The following PTPRD variants were observed in gnomAD, a reference collection of about 807,000 sequenced individuals.
PTPRD encodes the protein protein tyrosine phosphatase receptor type D, also known as receptor-type tyrosine-protein phosphatase delta.
In PTPRD, 34 loss-of-function variants were observed where a neutral mutation model predicts 214.5. The ratio of observed to expected loss-of-function variants is 0.16; its 90% CI spans 0.12 to 0.21. PTPRD has a LOEUF of 0.21. Ranked by LOEUF, PTPRD falls within the 10% of genes least tolerant of loss-of-function variation. The probability of loss-of-function intolerance (pLI) is 1.00; values close to 1 mark genes in which losing one functional copy is unlikely to be tolerated. For missense variants in PTPRD, 2,545 were observed against 2,398.7 expected (o/e 1.06, Z -1.27); for synonymous variants, 1,128 against 845.7 (o/e 1.33, Z -5.79).
intron 7 of PTPRD, among the ~76,000 whole-genome samples, chr9:9,705,607 T>A (rs996606616): frequency 6.6e-6 from 1 of 152,110 alleles, no homozygotes; most frequent in Non-Finnish European, 1.5e-5. Context: ...AGTGTATGAG[T>A]AATTCTCAAC....
In PTPRD at chr9:9,504,121, G is replaced by T. The variant is rs151193742; in HGVS notation, c.-237+70611C>A. ...AGTAAATATCATTTTCCTTTACAGAGTCTCTCTCTATTATTTGGGTTGACA... is the reference window on the plus strand; with the variant it reads ...AGTAAATATCATTTTCCTTTACAGATTCTCTCTCTATTATTTGGGTTGACA... On this transcript the variant is annotated intron_variant, in intron 8 of 45. Coordinates refer to ENST00000381196, the MANE Select transcript of PTPRD (RefSeq NM_002839.4). 5.7e-3 allele frequency among the ~76,000 whole-genome samples: 872 copies of T among 151,678 alleles called. 2 individuals are homozygous for T. Among genetic ancestry groups the T allele is most frequent in the Non-Finnish European group, 7.6e-3 (515 of 67,730 alleles).
chr9:9,355,345 C>T (rs2053348794), intron 9 of PTPRD, among the ~76,000 whole-genome samples: 1 of 150,440 alleles, frequency 6.6e-6, no homozygotes, highest in African/African-American at 2.4e-5. Context: ...GAAATTTAGG[C>T]TACAGATGAC....
chr9:8,943,223 T>G (rs117598187), intron 11 of PTPRD, among the ~76,000 whole-genome samples: 7 of 152,062 alleles, frequency 4.6e-5, no homozygotes, highest in African/African-American at 7.2e-5. Flanking sequence ...AATCTAAAGA[T>G]TCAATCTCTA....
chr9:10,056,915 G>A (rs1351158843), intron 3 of PTPRD, among the ~76,000 whole-genome samples: 1 of 152,084 alleles, frequency 6.6e-6, no homozygotes, highest in Non-Finnish European at 1.5e-5. Context: ...TGAAAATTCT[G>A]CCTACATATT....
intron 2 of PTPRD, among the ~76,000 whole-genome samples, chr9:10,398,741 A>C (rs1013183943): frequency 6.6e-6 from 1 of 152,022 alleles, no homozygotes; most frequent in East Asian, 1.9e-4. Context: ...AATGGCGGCC[A>C]CGTATGCATA....
intron 3 of PTPRD, among the ~76,000 whole-genome samples, chr9:10,178,702 G>T (rs1490726609): frequency 1.3e-5 from 2 of 151,866 alleles, no homozygotes; most frequent in Admixed American, 6.6e-5. Flanking sequence ...TGGTACTATT[G>T]ATATTCTAGG....
intron 12 of PTPRD, among the ~76,000 whole-genome samples, chr9:8,702,822 C>T (rs2098119811): frequency 6.6e-6 from 1 of 152,090 alleles, no homozygotes; most frequent in Non-Finnish European, 1.5e-5. Flanking sequence ...TTGGCCAGGC[C>T]AGTCTCAAAC....
intron 3 of PTPRD, among the ~76,000 whole-genome samples, chr9:10,335,602 C>T (rs750029495): frequency 4.6e-5 from 7 of 150,984 alleles, no homozygotes; most frequent in African/African-American, 9.7e-5. Context: ...AACTGGAATT[C>T]GTTAAAATAA....
At chr9:9,075,554 C>A (rs1450725778) in intron 10 of PTPRD, among the ~76,000 whole-genome samples, 1 of 152,044 alleles carries the variant, frequency 6.6e-6, no homozygotes, top group Non-Finnish European at 1.5e-5. Flanking sequence ...AATGCTATCC[C>A]TCCCCCATCC....
At chr9:9,328,249 AG>A (rs2040818403) in intron 9 of PTPRD, among the ~76,000 whole-genome samples, 1 of 152,126 alleles carries the variant, frequency 6.6e-6, no homozygotes, top group South Asian at 2.1e-4. Context: ...TAAAGTTTTA[AG>A]GAAGAAGAGA....
intron 7 of PTPRD, among the ~76,000 whole-genome samples, chr9:9,619,048 T>A (rs1375988260): frequency 6.6e-6 from 1 of 152,064 alleles, no homozygotes; most frequent in Admixed American, 6.6e-5. Context: ...AATAAAAAAA[T>A]ATGTGCTTTT....
At chr9:8,848,730 A>G (rs929281354) in intron 11 of PTPRD, among the ~76,000 whole-genome samples, 37 of 152,080 alleles carry the variant, frequency 2.4e-4, no homozygotes, top group African/African-American at 8.5e-4. Context: ...GTTAAGAGTG[A>G]GTGAAACAGA....
intron 12 of PTPRD, among the ~76,000 whole-genome samples, chr9:8,663,548 T>C (rs1298074595): frequency 6.6e-6 from 1 of 152,152 alleles, no homozygotes; most frequent in Non-Finnish European, 1.5e-5. Context: ...TGGAGTGCAG[T>C]GGTGCGATCT....
intron 5 of PTPRD, among the ~76,000 whole-genome samples, chr9:9,768,306 C>A (rs2098722983): frequency 1.3e-5 from 2 of 152,136 alleles, no homozygotes; most frequent in South Asian, 4.1e-4. Flanking sequence ...TTGCTTAGAA[C>A]AGTTTTTGGG....
At chr9:9,043,269 C>A (rs901462695) in intron 10 of PTPRD, among the ~76,000 whole-genome samples, 1 of 152,134 alleles carries the variant, frequency 6.6e-6, no homozygotes, top group Non-Finnish European at 1.5e-5. Context: ...TGATTAACAT[C>A]TTGTCTTATA....
intron 37 of PTPRD, among the ~76,000 whole-genome samples, chr9:8,380,164 T>C (rs958040145): frequency 6.6e-6 from 1 of 152,138 alleles, no homozygotes; most frequent in Non-Finnish European, 1.5e-5. Flanking sequence ...TTTCAGCAGA[T>C]ACTGATTTAG....
intron 7 of PTPRD, among the ~76,000 whole-genome samples, chr9:9,666,627 G>A (rs945295894): frequency 6.6e-5 from 10 of 151,830 alleles, no homozygotes; most frequent in Non-Finnish European, 8.8e-5. Flanking sequence ...AAATTGTATC[G>A]ATTCAATCTC....
At chr9:9,352,482 T>G (rs747842056) in intron 9 of PTPRD, among the ~76,000 whole-genome samples, 2 of 151,786 alleles carry the variant, frequency 1.3e-5, no homozygotes, top group Non-Finnish European at 2.9e-5. Context: ...TACAACAAAA[T>G]CTGCCTCATT....
intron 7 of PTPRD, among the ~76,000 whole-genome samples, chr9:9,640,794 G>C (rs2095915508): frequency 6.6e-6 from 1 of 152,234 alleles, no homozygotes; most frequent in South Asian, 2.1e-4. Context: ...AATCTTAAGA[G>C]GGTATCCTTT....
Sources: allele counts gnomAD v4.1 joint callset (sites outside exome capture counted in the v4.1 genomes callset), GRCh38; gene constraint gnomAD v4.1.1; transcripts MANE v1.5; gene names NCBI Gene and HGNC (gene_info 2026-07-23, HGNC 2026-07-21).